Variants in DNAH12 observed in about 807,000 individuals in gnomAD.
DNAH12 encodes dynein axonemal heavy chain 12.
DNAH12 carries 285 observed loss-of-function variants against 371.5 expected under a neutral mutation model. That is an observed-to-expected ratio of 0.77 (90% CI 0.70 to 0.85). DNAH12 has a LOEUF of 0.85. Ranked by LOEUF, DNAH12 falls within the 40% of genes least tolerant of loss-of-function variation. DNAH12 has a pLI of 0.00. For missense variants in DNAH12, 3,611 were observed against 3,689.4 expected, an observed-to-expected ratio of 0.98 and a Z score of 0.55; for synonymous variants, 1,200 against 1,213.0, an observed-to-expected ratio of 0.99 and a Z score of 0.22.
At chr3:57,302,702 C>T (rs1191339214) in intron 69 of DNAH12, among the ~76,000 whole-genome samples, 21 of 146,884 alleles carry the variant, frequency 1.4e-4, no homozygotes, top group Non-Finnish European at 2.2e-4. Context: ...CAGCCTCCTG[C>T]GTAACTGAGA....
chr3:57,361,942 C>T (rs2062946013), intron 58 of DNAH12, among the ~76,000 whole-genome samples: 1 of 152,006 alleles, frequency 6.6e-6, no homozygotes, highest in African/African-American at 2.4e-5. Flanking sequence ...TATACAAGTA[C>T]CATGTTGGTT....
chr3:57,535,097 C>G (rs1274268668), intron 2 of DNAH12, among the ~76,000 whole-genome samples: 1 of 152,166 alleles, frequency 6.6e-6, no homozygotes, highest in East Asian at 1.9e-4. Context: ...GGTAACTTGC[C>G]AAATTCACAT....
chr3:57,511,004 T>C (rs780570863), intron 4 of DNAH12, 25 bp from the exon 5 acceptor site: 2 of 1,548,388 alleles, frequency 1.3e-6, no homozygotes, highest in South Asian at 1.2e-5. Flanking sequence ...AAAAATTAAA[T>C]GTTCTGCATG....
intron 39 of DNAH12, among the ~76,000 whole-genome samples, chr3:57,411,004 AT>A (rs1179764344): frequency 1.3e-5 from 2 of 152,082 alleles, no homozygotes; most frequent in African/African-American, 4.8e-5. Flanking sequence ...TTTCAACATC[AT>A]ACTAAGGGCT....
At chr3:57,539,493 T>C (rs2069181817) in intron 2 of DNAH12, among the ~76,000 whole-genome samples, 1 of 152,226 alleles carries the variant, frequency 6.6e-6, no homozygotes, top group Admixed American at 6.5e-5. Flanking sequence ...TCATGTTTAC[T>C]TAGATGACAG....
intron 44 of DNAH12, among the ~76,000 whole-genome samples, chr3:57,393,279 G>A (rs1339550198): frequency 6.6e-6 from 1 of 152,102 alleles, no homozygotes; most frequent in Non-Finnish European, 1.5e-5. Flanking sequence ...TATATTTTGT[G>A]GGTAAAAGTG....
chr3:57,461,731 G>A (rs751746251), intron 18 of DNAH12, 42 bp from the exon 19 acceptor site: 210 of 1,483,282 alleles, frequency 1.4e-4, no homozygotes, highest in Non-Finnish European at 1.9e-4. Flanking sequence ...GGTGAAGAAA[G>A]GATCTTATTT....
At chr3:57,295,638 C>T (rs536059912) in intron 72 of DNAH12, 46 bp from the exon 73 acceptor site, 10 of 1,489,952 alleles carry the variant, frequency 6.7e-6, no homozygotes, top group Non-Finnish European at 9.0e-6. Context: ...ACATGAAATT[C>T]ACTTCTGAGA....
chr3:57,498,476 C>T lies in DNAH12; in HGVS notation c.1335+2845G>A, dbSNP rs149879003. ...AGACTACAGGTGCAAGCTACTATGC[C>T]TGGCTTAACAGTTTCTTAAAAAGTT... On this transcript the variant is annotated intron_variant, in intron 11 of 73. Transcript: ENST00000495027. 3,238 of 712,180 alleles carry T rather than the reference C, an allele frequency of 4.5e-3. 8 individuals carry two copies. The highest frequency in any genetic ancestry group is 6.8e-3 in the Non-Finnish European group (2,607 of 385,012). 44.1% of individuals were successfully genotyped at this position (712,180 alleles called of 1,614,324 possible).
Position 57,461,648 on chromosome 3 carries a change from A to C in DNAH12, c.2577T>G (p.Thr859=). The change falls in exon 19 of 74, where the codon ACT becomes ACG. Residue 859 remains threonine, a synonymous_variant. Transcript: ENST00000495027. ...TTATATGAAAAGCAATATCTTCCCA[A>C]GTTCCTATCATTGTATTCATGGCTT... ...LEKAMNTMIG[T]WEDIAFHISL... 6.4e-7 allele frequency: 1 copy of C among 1,551,168 alleles called. No individual in the cohort carries two copies. Among genetic ancestry groups the C allele is most frequent in the Non-Finnish European group, 8.7e-7 (1 of 1,146,818 alleles).
intron 63 of DNAH12, 103 bp from the exon 64 acceptor site, chr3:57,323,363 C>G: frequency 6.8e-7 from 1 of 1,471,032 alleles, no homozygotes; most frequent in Non-Finnish European, 9.0e-7. Flanking sequence ...TTACGTTTCT[C>G]TGTAAATATC....
chr3:57,300,897 G>T (rs2061330630), intron 70 of DNAH12, among the ~76,000 whole-genome samples: 1 of 151,966 alleles, frequency 6.6e-6, no homozygotes, highest in South Asian at 2.1e-4. Context: ...GAAAAGCAGT[G>T]TTCTGTCTGA....
In DNAH12 at chr3:57,523,784, C is replaced by G. The variant is rs377027332; in HGVS notation, c.252+19G>C. 1.9e-6 allele frequency: 3 copies of G among 1,577,848 alleles called. No homozygotes were observed. Among genetic ancestry groups the G allele is most frequent in the Non-Finnish European group, 2.6e-6 (3 of 1,165,486 alleles). ...AATGATATAAGGATAAACTTTTTAA[C>G]GAGAAAACATAAACTTACAGTTTGA... On this transcript the variant is annotated intron_variant, in intron 3 of 73. Coordinates refer to ENST00000495027, the MANE Select transcript of DNAH12 (RefSeq NM_001366028.2).
chr3:57,428,637 C>A lies in DNAH12; in HGVS notation c.5249G>T (p.Cys1750Phe). The change falls in exon 34 of 74, where the codon TGC becomes TTC. Residue 1750 changes from cysteine to phenylalanine, a missense_variant. Cys to Phe is a radical substitution (Grantham distance 205). Around this residue, in one of 3 missense-constraint regions of DNAH12, gnomAD observed 2,266 missense variants for 2,236.9 expected, o/e 1.01. Coordinates refer to ENST00000495027, the MANE Select transcript of DNAH12 (RefSeq NM_001366028.2). ...GTCAGAGAATTATAGGATTACCTTGCATTTTTTCTTACGCTGGTTTAAAGA... is the reference window on the plus strand; with the variant it reads ...GTCAGAGAATTATAGGATTACCTTGAATTTTTTCTTACGCTGGTTTAAAGA... ...PPSLNQRKKK[C>F]KELIPTSNSN... The A allele has an allele frequency of 6.5e-7, 1 of 1,529,098 alleles. No individual in the cohort carries two copies. Among genetic ancestry groups the A allele is most frequent in the East Asian group, 2.5e-5 (1 of 40,746 alleles). The allele number at this position is 1,529,098 out of a possible 1,614,324, so 94.7% of individuals were successfully genotyped here.
chr3:57,448,961 G>T (rs2065644324), intron 25 of DNAH12, among the ~76,000 whole-genome samples: 1 of 108,584 alleles, frequency 9.2e-6, no homozygotes, highest in Non-Finnish European at 1.9e-5. Context: ...TAGACATAAA[G>T]GTTCTCCAAG....
chr3:57,536,198 C>G (rs907365944), intron 2 of DNAH12: 4 of 152,166 alleles, frequency 2.6e-5, no homozygotes, highest in Admixed American at 6.5e-5. Flanking sequence ...AAAAAATAGA[C>G]TAGGATACTT....
chr3:57,388,203 G>A (rs1295926127), intron 45 of DNAH12, among the ~76,000 whole-genome samples: 3 of 152,200 alleles, frequency 2.0e-5, no homozygotes, highest in Non-Finnish European at 4.4e-5. Flanking sequence ...AGACCTCCAT[G>A]TGGTTCATGC....
At chr3:57,358,941 C>G (rs1459353252) in intron 58 of DNAH12, among the ~76,000 whole-genome samples, 1 of 152,062 alleles carries the variant, frequency 6.6e-6, no homozygotes, top group African/African-American at 2.4e-5. Context: ...TCCACCACCA[C>G]ACCTGGCTAA....
In DNAH12 at chr3:57,341,231, G is replaced by T. The variant is rs114722428; in HGVS notation, c.9675-6291C>A. Reference sequence around the variant, plus strand: ...ATCACTCTTATTCAACATATTAATAGTACTGAAAGTCTTAGCCAGAGCAAT... The same window carrying T: ...ATCACTCTTATTCAACATATTAATATTACTGAAAGTCTTAGCCAGAGCAAT... On this transcript the variant is annotated intron_variant, in intron 60 of 73. Transcript: ENST00000495027. Among the ~76,000 whole-genome samples the T allele has an allele frequency of 3.3e-3, 489 of 148,456 alleles. 4 individuals are homozygous for T. The highest frequency in any genetic ancestry group is 0.011 in the African/African-American group (441 of 40,214).
Sources: gnomAD v4.1 joint callset for allele counts (sites outside exome capture counted in the v4.1 genomes callset) on GRCh38, gnomAD v4.1.1 for gene constraint, gnomAD v4.1.1 regional missense constraint, MANE v1.5 for transcripts, NCBI Gene and HGNC (gene_info 2026-07-23, HGNC 2026-07-21) for gene names.